KCNIP4: variants seen among roughly 807,000 people sequenced by gnomAD.
The protein encoded by KCNIP4 is potassium voltage-gated channel interacting protein 4.
KCNIP4 carries 12 observed loss-of-function variants against 34.0 expected under a neutral mutation model. The observed-to-expected ratio is 0.35, with a 90% CI of 0.23 to 0.57. The LOEUF (loss-of-function observed/expected upper bound fraction) is 0.57. Ranked by LOEUF, KCNIP4 falls within the 20% of genes least tolerant of loss-of-function variation. The probability of loss-of-function intolerance (pLI) is 0.83; values close to 1 mark genes in which losing one functional copy is unlikely to be tolerated. For missense variants in KCNIP4, 238 were observed against 311.7 expected, an observed-to-expected ratio of 0.76 and a Z score of 1.78; for synonymous variants, 124 against 102.2, an observed-to-expected ratio of 1.21 and a Z score of -1.29.
chr4:21,012,032 T>C (rs181059863), intron 1 of KCNIP4, among the ~76,000 whole-genome samples: 2 of 152,308 alleles, frequency 1.3e-5, no homozygotes, highest in Admixed American at 1.3e-4. Context: ...GATAAGAATG[T>C]GCTAAGCTAA....
chr4:20,919,689 T>A (rs1469545111), intron 1 of KCNIP4, among the ~76,000 whole-genome samples: 1 of 121,298 alleles, frequency 8.2e-6, no homozygotes, highest in Non-Finnish European at 1.6e-5. Flanking sequence ...GGCAACAGAG[T>A]GAGACTCCGT....
intron 1 of KCNIP4, among the ~76,000 whole-genome samples, chr4:21,032,118 T>C (rs1741077987): frequency 6.6e-6 from 1 of 152,136 alleles, no homozygotes. Flanking sequence ...ATTGCTTGTA[T>C]CCTCTGTGTA....
At chr4:21,908,066 C>T (rs1012467802) in intron 1 of KCNIP4, among the ~76,000 whole-genome samples, 1 of 152,060 alleles carries the variant, frequency 6.6e-6, no homozygotes, top group Non-Finnish European at 1.5e-5. Context: ...CTCCAAAAGT[C>T]TCTGCCTGTA....
At chr4:21,795,124 G>T (rs74781550) in intron 1 of KCNIP4, among the ~76,000 whole-genome samples, 8,756 of 152,204 alleles carry the variant, frequency 0.058, 283 homozygotes, top group South Asian at 0.093. Context: ...CTTTAAGGAG[G>T]TGATGAAGTT....
chr4:20,984,121 G>A, intron 1 of KCNIP4: 1 of 749,586 alleles, frequency 1.3e-6, no homozygotes, highest in South Asian at 2.0e-5. Context: ...AGCTTCTCAT[G>A]CTGATCCTGG....
chr4:21,024,328 GC>G (rs1247067577), intron 1 of KCNIP4, among the ~76,000 whole-genome samples: 1 of 152,100 alleles, frequency 6.6e-6, no homozygotes, highest in East Asian at 1.9e-4. Context: ...CTAGTTCAAG[GC>G]AATTAATGTT....
intron 1 of KCNIP4, among the ~76,000 whole-genome samples, chr4:21,589,177 T>C (rs1459061436): frequency 3.2e-5 from 2 of 62,536 alleles, no homozygotes; most frequent in African/African-American, 1.4e-4. Context: ...TATATATATA[T>C]ATATATATAT....
intron 2 of KCNIP4, among the ~76,000 whole-genome samples, chr4:20,854,264 G>T (rs11728278): frequency 0.031 from 4,687 of 152,204 alleles, 107 homozygotes; most frequent in Admixed American, 0.073. Context: ...TCAATGAGTG[G>T]ATAAAGAGAC....
chr4:21,461,651 G>A (rs1001679306), intron 1 of KCNIP4, among the ~76,000 whole-genome samples: 5 of 151,964 alleles, frequency 3.3e-5, no homozygotes, highest in African/African-American at 1.2e-4. Context: ...AACATTCCCA[G>A]CTGCACCTTG....
At chr4:21,600,981 A>G (rs1253414214) in intron 1 of KCNIP4, among the ~76,000 whole-genome samples, 1 of 151,896 alleles carries the variant, frequency 6.6e-6, no homozygotes, top group Non-Finnish European at 1.5e-5. Context: ...AAAAAATCTT[A>G]CTAAAGAAGG....
chr4:21,666,419 C>A (rs1255350180), intron 1 of KCNIP4, among the ~76,000 whole-genome samples: 1 of 152,078 alleles, frequency 6.6e-6, no homozygotes, highest in Non-Finnish European at 1.5e-5. Context: ...ATTTCCCCAA[C>A]AGTTTATGAG....
chr4:21,268,101 T>C (rs1454421074), intron 1 of KCNIP4, among the ~76,000 whole-genome samples: 2 of 152,228 alleles, frequency 1.3e-5, no homozygotes, highest in Admixed American at 6.5e-5. Flanking sequence ...CTGTGTACAA[T>C]ATAACAACCC....
chr4:20,865,938 C>T (rs747370337), intron 2 of KCNIP4, among the ~76,000 whole-genome samples: 13 of 151,970 alleles, frequency 8.6e-5, no homozygotes, highest in Admixed American at 1.3e-4. Flanking sequence ...TACATCAAAA[C>T]GTCATGTTGT....
intron 1 of KCNIP4, among the ~76,000 whole-genome samples, chr4:21,794,854 G>A (rs141622146): frequency 0.056 from 8,565 of 152,102 alleles, 350 homozygotes; most frequent in African/African-American, 0.11. Flanking sequence ...ACTCCAGCAG[G>A]GGCAACAGAG....
At chr4:20,830,166 T>A (rs1718246357) in intron 3 of KCNIP4, among the ~76,000 whole-genome samples, 1 of 152,144 alleles carries the variant, frequency 6.6e-6, no homozygotes. Flanking sequence ...ATTACATGAG[T>A]CAGTAAGTAG....
chr4:21,126,265 T>A (rs1048901099), intron 1 of KCNIP4, among the ~76,000 whole-genome samples: 4 of 152,176 alleles, frequency 2.6e-5, no homozygotes, highest in Admixed American at 2.0e-4. Context: ...GTGGAGACCA[T>A]TACGGCCATC....
intron 1 of KCNIP4, among the ~76,000 whole-genome samples, chr4:20,966,985 C>T (rs971453408): frequency 6.6e-6 from 1 of 152,158 alleles, no homozygotes; most frequent in Non-Finnish European, 1.5e-5. Context: ...CACAGGACCA[C>T]AGCCAGCAGC....
At chr4:20,748,840 G>C (rs953418991) in intron 5 of KCNIP4, among the ~76,000 whole-genome samples, 1 of 148,974 alleles carries the variant, frequency 6.7e-6, no homozygotes, top group South Asian at 2.1e-4. Flanking sequence ...TTTATGATCT[G>C]CTATTTACCA....
At chr4:21,777,289 A>G (rs962292152) in intron 1 of KCNIP4, among the ~76,000 whole-genome samples, 1 of 152,180 alleles carries the variant, frequency 6.6e-6, no homozygotes, top group Admixed American at 6.5e-5. Context: ...GTGAAAATAA[A>G]CTAATACAGA....
Sources: gnomAD v4.1 joint callset for allele counts (sites outside exome capture counted in the v4.1 genomes callset) on GRCh38, gnomAD v4.1.1 for gene constraint, MANE v1.5 for transcripts, NCBI Gene and HGNC (gene_info 2026-07-23, HGNC 2026-07-21) for gene names.